The following PWP1 variants were observed in gnomAD, a reference collection of about 807,000 sequenced individuals.
PWP1 encodes the protein periodic tryptophan protein 1 homolog.
PWP1 carries 47 observed loss-of-function variants against 69.9 expected under a neutral mutation model. The observed-to-expected ratio is 0.67, with a 90% CI of 0.53 to 0.86. The LOEUF (loss-of-function observed/expected upper bound fraction) is 0.86, where lower values mean the gene tolerates loss of function less well. Ranked by LOEUF, PWP1 falls within the 40% of genes least tolerant of loss-of-function variation. The pLI is 0.00. For synonymous variants in PWP1, 222 were observed against 208.2 expected, an observed-to-expected ratio of 1.07 and a Z score of -0.57; for missense variants, 551 against 608.8, an observed-to-expected ratio of 0.91 and a Z score of 1.00.
intron 5 of PWP1, 123 bp from the exon 6 acceptor site, chr12:107,696,351 T>C: frequency 2.9e-6 from 4 of 1,362,866 alleles, no homozygotes; most frequent in Admixed American, 2.7e-5. Context: ...CTTTATAATA[T>C]CAGATGTCTC....
At chr12:107,693,245 T>C (rs1889521313) in intron 5 of PWP1, 149 bp downstream of exon 5, 1 of 1,195,608 alleles carries the variant, frequency 8.4e-7, no homozygotes, top group Admixed American at 3.1e-5. Flanking sequence ...GGCCAATTTC[T>C]TGGTTATTGT....
intron 13 of PWP1, among the ~76,000 whole-genome samples, chr12:107,709,922 T>G (rs755829843): frequency 2.6e-5 from 4 of 152,188 alleles, no homozygotes; most frequent in Non-Finnish European, 4.4e-5. Context: ...TCCCAGAACA[T>G]AAACCGTGGT....
rs117963602 is a variant in PWP1, at chr12:107,710,481, G to A, written c.1367G>A (p.Arg456Gln). 777 of 1,610,246 alleles carry A rather than the reference G, an allele frequency of 4.8e-4. No homozygotes were observed. The highest frequency in any genetic ancestry group is 6.3e-4 in the Non-Finnish European group (743 of 1,177,978). ...TTTGGAGGTCAAAAAGAAGGGCTTC[G>A]GGTCTGGGATATAAGCACAGTCTCT... The part of the protein sequence containing the change: ...YAFGGQKEGL[R>Q]VWDISTVSSV... Residue 456 changes from arginine (R) to glutamine (Q), a missense_variant, in exon 14 of 15, where the codon CGG becomes CAG. Coordinates refer to ENST00000412830, the MANE Select transcript of PWP1 (RefSeq NM_007062.3).
intron 7 of PWP1, chr12:107,697,848 T>C (rs572426452): frequency 3.2e-5 from 17 of 527,960 alleles, no homozygotes; most frequent in Admixed American, 6.8e-5. Context: ...TATATTAATA[T>C]GAATAGCTAC....
chr12:107,710,549 CT>C, intron 14 of PWP1, 39 bp downstream of exon 14: 2 of 1,260,150 alleles, frequency 1.6e-6, no homozygotes, highest in Non-Finnish European at 2.1e-6. Context: ...CCCCCTGCCC[CT>C]GTAAAAAAAA....
chr12:107,704,490 A>AT lies in PWP1; in HGVS notation c.966-138dup, dbSNP rs950518554. 1.5e-4 allele frequency: 86 copies of AT among 584,080 alleles called. No homozygotes were observed. In the East Asian group the frequency reaches 1.9e-3, roughly 13 times the overall value. 36.2% of individuals were successfully genotyped at this position (584,080 alleles called of 1,614,324 possible). A position where few individuals can be genotyped will look rare whatever the true frequency, so the allele number is the denominator to read the frequency against. On this transcript the variant is annotated intron_variant, in intron 10 of 14. Transcript: ENST00000412830. ...TCCACCAATTACTGAAACTCAGCTC[A>AT]TTTTTTTTCTACTTTATTTAGAACC...
At chr12:107,711,515 G>A (rs1889952165) in intron 14 of PWP1, among the ~76,000 whole-genome samples, 1 of 152,156 alleles carries the variant, frequency 6.6e-6, no homozygotes, top group Non-Finnish European at 1.5e-5. Context: ...TTACCAGTGT[G>A]AATAAATCCA....
rs12426896 is a variant in PWP1, at chr12:107,701,936, G to A, written c.807-999G>A. 1.5e-3 allele frequency among the ~76,000 whole-genome samples: 229 copies of A among 152,144 alleles called. 2 individuals are homozygous for A. The highest frequency in any genetic ancestry group is 6.7e-3 in the Admixed American group (103 of 15,280). On this transcript the variant is annotated intron_variant, in intron 8 of 14. Transcript: ENST00000412830. Reference sequence around the variant, plus strand: ...CAAGTGATCTGCCTGCCTCTGCCTTGCAAAGTGCTGGGATTATAGGCATGA... The same window carrying A: ...CAAGTGATCTGCCTGCCTCTGCCTTACAAAGTGCTGGGATTATAGGCATGA...
At chr12:107,704,879 C>A in intron 11 of PWP1, 132 bp downstream of exon 11, 1 of 628,660 alleles carries the variant, frequency 1.6e-6, no homozygotes. Flanking sequence ...GGGTTGAAAG[C>A]ATAAGGTGTT....
Position 107,688,619 on chromosome 12 carries a change from G to T in PWP1, c.136G>T (p.Glu46Ter), listed in dbSNP as rs1187421795. The T allele has an allele frequency of 6.2e-7, 1 of 1,613,598 alleles. No homozygotes were observed. Among genetic ancestry groups the T allele is most frequent in the African/African-American group, 1.3e-5 (1 of 74,932 alleles). Residue 46 changes from glutamate to a stop codon, truncating the protein, a stop_gained, in exon 3 of 15, where the codon GAA becomes TAA. Coordinates refer to ENST00000412830, the MANE Select transcript of PWP1 (RefSeq NM_007062.3). LOFTEE classifies it high-confidence loss of function. ...TTTTTCTTTCTGTGCTCATAGAGAA[G>T]AAGGTGGTGGCAGTGATGAAGAGGA... ...IAEAKEKLQEEGGGSDEEETG... is the reference protein window; with the variant it reads ...IAEAKEKLQE
chr12:107,699,957 T>A (rs909201066), intron 8 of PWP1, among the ~76,000 whole-genome samples: 20 of 152,186 alleles, frequency 1.3e-4, no homozygotes, highest in Non-Finnish European at 2.5e-4. Context: ...CTCACAGTTA[T>A]GGCAGAAAGC....
At chr12:107,709,311 T>G (rs1889896013) in intron 13 of PWP1, 79 bp downstream of exon 13, 1 of 1,526,070 alleles carries the variant, frequency 6.6e-7, no homozygotes, top group Non-Finnish European at 8.9e-7. Flanking sequence ...TGTTGCGTGT[T>G]TTTCTGTTGG....
intron 14 of PWP1, 26 bp downstream of exon 14, chr12:107,710,536 C>A (rs370580980): frequency 8.3e-6 from 13 of 1,569,268 alleles, no homozygotes; most frequent in Non-Finnish European, 1.1e-5. Flanking sequence ...TCTCTGCACA[C>A]CTCCCCCTGC....
intron 14 of PWP1, 138 bp downstream of exon 14, chr12:107,710,648 G>A (rs1395789455): frequency 1.5e-6 from 2 of 1,351,940 alleles, no homozygotes; most frequent in Non-Finnish European, 1.9e-6. Context: ...TCAGCCTTCT[G>A]TATAGCTGGG....
intron 14 of PWP1, 98 bp downstream of exon 14, chr12:107,710,608 A>T (rs1236788688): frequency 2.1e-6 from 3 of 1,416,084 alleles, no homozygotes; most frequent in East Asian, 4.9e-5. Flanking sequence ...GGCTGGTCTC[A>T]AACTCCTGGC....
At position 107,696,646 on chromosome 12, in the gene PWP1, A is replaced by C; in HGVS notation, c.613+62A>C. 6 of 1,596,776 alleles carry C rather than the reference A, an allele frequency of 3.8e-6. No individual in the cohort carries two copies. In the South Asian group the frequency reaches 5.7e-5, roughly 15 times the overall value. ...GTCTTATGTATTTTCTCCTAGCTCC[A>C]TAAATTATGTATTCTCTTGAATGTT... On this transcript the variant is annotated intron_variant, in intron 6 of 14. Coordinates refer to ENST00000412830, the MANE Select transcript of PWP1 (RefSeq NM_007062.3).
Position 107,703,684 on chromosome 12 carries a change from G to A in PWP1, c.904-1G>A. The A allele has an allele frequency of 6.2e-7, 1 of 1,602,428 alleles. No homozygotes were observed. The highest frequency in any genetic ancestry group is 2.2e-5 in the East Asian group (1 of 44,840). ...TCTGCATTTATGTTTCCTCCCTTTAGGTCCAAACACTGCAGTTTCATCCAT... is the reference window on the plus strand; with the variant it reads ...TCTGCATTTATGTTTCCTCCCTTTAAGTCCAAACACTGCAGTTTCATCCAT... On this transcript the variant is annotated splice_acceptor_variant, in intron 9 of 14. Transcript: ENST00000412830. LOFTEE classifies it high-confidence loss of function.
intron 11 of PWP1, among the ~76,000 whole-genome samples, chr12:107,707,334 A>G (rs1593149689): frequency 1.3e-5 from 2 of 152,292 alleles, no homozygotes; most frequent in African/African-American, 4.8e-5. Flanking sequence ...CAATCATGTC[A>G]TCTGCAAACA....
rs2136273513 is a variant in PWP1, at chr12:107,692,911, C to T, written c.405+12C>T. On this transcript the variant is annotated intron_variant, in intron 4 of 14. Coordinates refer to ENST00000412830, the MANE Select transcript of PWP1 (RefSeq NM_007062.3). The stretch of plus-strand genomic sequence containing the variant: ...CTCTGAAAGATACAGTAAGTATTTA[C>T]ATCTTTTTTCTAATTATGCTCTTAA... 6.2e-7 allele frequency: 1 copy of T among 1,613,610 alleles called. No individual in the cohort carries two copies. Among genetic ancestry groups the T allele is most frequent in the Admixed American group, 1.7e-5 (1 of 59,918 alleles).
Sources: gnomAD v4.1 joint callset for allele counts (sites outside exome capture counted in the v4.1 genomes callset) on GRCh38, gnomAD v4.1.1 for gene constraint, MANE v1.5 for transcripts, NCBI Gene and HGNC (gene_info 2026-07-23, HGNC 2026-07-21) for gene names.